The following TICRR variants were observed in gnomAD, a reference collection of about 807,000 sequenced individuals.
TICRR encodes treslin.
Under a neutral mutation model 178.1 loss-of-function variants are expected in TICRR, and 132 were observed. The observed-to-expected ratio is 0.74, with a 90% CI of 0.64 to 0.86. TICRR has a LOEUF of 0.86. Ranked by LOEUF, TICRR falls within the 40% of genes least tolerant of loss-of-function variation. The pLI is 0.00. For missense variants in TICRR, 2,587 were observed against 2,334.3 expected (o/e 1.11, Z -2.23); for synonymous variants, 991 against 900.7 (o/e 1.10, Z -1.79).
At chr15:89,611,858 T>C (rs1355791970) in intron 15 of TICRR, among the ~76,000 whole-genome samples, 5 of 152,310 alleles carry the variant, frequency 3.3e-5, no homozygotes, top group East Asian at 1.9e-4. Flanking sequence ...TTTGTTCATA[T>C]ATTATTTTCC....
chr15:89,599,329 A>G lies in TICRR; in HGVS notation c.1906A>G (p.Lys636Glu), dbSNP rs771832628. 2 of 1,597,898 alleles carry G rather than the reference A, an allele frequency of 1.3e-6. No homozygotes were observed. The highest frequency in any genetic ancestry group is 1.8e-5 in the Admixed American group (1 of 55,756). The change falls in exon 8 of 22, where the codon AAA becomes GAA. Residue 636 changes from lysine (K) to glutamate (E), a missense_variant. By Grantham distance (56) the Lys-to-Glu change is moderately conservative. Coordinates refer to ENST00000268138, the MANE Select transcript of TICRR (RefSeq NM_152259.4). ...TLRSSKPKDF[K>E]TEEELLSYIR... The stretch of plus-strand genomic sequence containing the variant: ...TTATTTTATTTTTTTCTCAGATTTT[A>G]AAACTGAGGAAGAGCTGCTATCATA...
intron 19 of TICRR, among the ~76,000 whole-genome samples, chr15:89,623,363 G>C (rs749953249): frequency 4.7e-4 from 72 of 152,220 alleles, no homozygotes; most frequent in Admixed American, 3.1e-3. Flanking sequence ...AAAAAGCATG[G>C]TTTAGCAATA....
chr15:89,626,180 C>A, intron 21 of TICRR, 119 bp downstream of exon 21: 1 of 1,154,482 alleles, frequency 8.7e-7, no homozygotes, highest in Non-Finnish European at 1.2e-6. Flanking sequence ...GGATAGGTGA[C>A]TTCGCGCCTA....
chr15:89,619,296 G>C (rs140496989), intron 17 of TICRR, among the ~76,000 whole-genome samples: 2 of 130,262 alleles, frequency 1.5e-5, no homozygotes, highest in African/African-American at 3.0e-5. Flanking sequence ...CATGCTCTCC[G>C]CTCACTGCAA....
rs145409221 is a variant in TICRR, at chr15:89,624,307, C to A, written c.3997C>A (p.Pro1333Thr). 2.5e-6 allele frequency: 4 copies of A among 1,614,214 alleles called. No homozygotes were observed. The highest frequency in any genetic ancestry group is 1.3e-5 in the African/African-American group (1 of 75,058). The change falls in exon 20 of 22, where the codon CCT (proline) becomes ACT (threonine). Residue 1333 changes from proline (P) to threonine (T), a missense_variant. Coordinates refer to ENST00000268138, the MANE Select transcript of TICRR (RefSeq NM_152259.4). Reference protein sequence around the residue: ...SPFRKSKIECPSPGELDQKEP... With the variant: ...SPFRKSKIECTSPGELDQKEP... ...ATTTAGGAAATCTAAAATAGAGTGTCCTTCCCCAGGAGAACTGGATCAGAA... is the reference window on the plus strand; with the variant it reads ...ATTTAGGAAATCTAAAATAGAGTGTACTTCCCCAGGAGAACTGGATCAGAA...
intron 19 of TICRR, among the ~76,000 whole-genome samples, chr15:89,622,652 C>G (rs911924106): frequency 1.1e-4 from 16 of 152,324 alleles, no homozygotes; most frequent in African/African-American, 3.4e-4. Context: ...TCTCCTCCCC[C>G]AGGCAGGCAG....
rs1472426742 is a variant in TICRR, at chr15:89,624,432, T to G, written c.4122T>G (p.Pro1374=). ...LSQRATLDTV[P]PPPPSKVGKR... The stretch of plus-strand genomic sequence containing the variant: ...AGAGAGCTACATTGGACACCGTCCC[T>G]CCTCCACCCCCTTCTAAAGTTGGGA... The change falls in exon 20 of 22, where the codon CCT becomes CCG. Residue 1374 remains proline (P), a synonymous_variant. Coordinates refer to ENST00000268138, the MANE Select transcript of TICRR (RefSeq NM_152259.4). 4 of 1,614,024 alleles carry G rather than the reference T, an allele frequency of 2.5e-6. No homozygotes were observed. The highest frequency in any genetic ancestry group is 3.4e-6 in the Non-Finnish European group (4 of 1,180,028).
At chr15:89,604,768 CAAAAA>C (rs35046074) in intron 13 of TICRR, among the ~76,000 whole-genome samples, 9 of 106,606 alleles carry the variant, frequency 8.4e-5, no homozygotes, top group South Asian at 3.1e-4. Context: ...GAGACTCTGT[CAAAAA>C]AAAAAAAAAA....
At chr15:89,612,634 A>G (rs777771997) in intron 15 of TICRR, among the ~76,000 whole-genome samples, 109 of 152,326 alleles carry the variant, frequency 7.2e-4, no homozygotes, top group African/African-American at 2.4e-3. Context: ...CAGGTGTTCA[A>G]TCAAGTTGCC....
At chr15:89,591,930 ACTTTGTATGTC>A (rs749941427) in intron 4 of TICRR, 106 bp from the exon 5 acceptor site, 6 of 816,162 alleles carry the variant, frequency 7.4e-6, no homozygotes, top group Non-Finnish European at 9.1e-6. Context: ...TTAACTGTGC[ACTTTGTATGTC>A]CTTTGGAGGG....
chr15:89,606,853 T>A, intron 14 of TICRR, 28 bp downstream of exon 14: 4 of 1,584,634 alleles, frequency 2.5e-6, no homozygotes, highest in Non-Finnish European at 3.5e-6. Context: ...TGTATGTATT[T>A]ATTCACTAGC....
rs1567053899 is a variant in TICRR at position 89,625,351 on chromosome 15, ATAAT to A, written c.5045_5048del (p.Ile1682LysfsTer88). 2.5e-6 allele frequency: 4 copies of A among 1,613,966 alleles called. No individual in the cohort carries two copies. Among genetic ancestry groups the A allele is most frequent in the East Asian group, 2.2e-5 (1 of 44,828 alleles). On this transcript the variant is annotated frameshift_variant, in exon 20 of 22. Transcript: ENST00000268138. LOFTEE classifies it high-confidence loss of function. Reference sequence around the variant, plus strand: ...GCACAGTGGGAAGACAACTCCAGACATAATTAAAGACTGGCCCAGGAGGAAGAGG... The same window carrying A: ...GCACAGTGGGAAGACAACTCCAGACATAAAGACTGGCCCAGGAGGAAGAGG...
chr15:89,589,460 C>T (rs1043533632), intron 4 of TICRR, among the ~76,000 whole-genome samples: 3 of 152,068 alleles, frequency 2.0e-5, no homozygotes, highest in Non-Finnish European at 4.4e-5. Flanking sequence ...TTGTTTTTAG[C>T]ATGGGGCTCC....
chr15:89,588,849 A>T (rs1962864278), intron 4 of TICRR, among the ~76,000 whole-genome samples: 1 of 152,154 alleles, frequency 6.6e-6, no homozygotes, highest in Admixed American at 6.5e-5. Context: ...GGCTTGTTAG[A>T]TGACTATGAG....
At position 89,575,488 on chromosome 15, in the gene TICRR, C is replaced by G. The variant is rs867893358; in HGVS notation, c.-99C>G. On this transcript the variant is annotated 5_prime_UTR_variant, in exon 1 of 22. Coordinates refer to ENST00000268138, the MANE Select transcript of TICRR (RefSeq NM_152259.4). ...CGCGGGAGCCTTTCGACCAGGGTCC[C>G]AAAGGAAAGCAGTGAGTGGTGCTGT... is the stretch of plus-strand genomic sequence containing the variant. The G allele has an allele frequency of 4.1e-6, 5 of 1,224,566 alleles. No individual in the cohort carries two copies. The highest frequency in any genetic ancestry group is 2.7e-4 in the Middle Eastern group (1 of 3,760). 75.9% of individuals were successfully genotyped at this position (1,224,566 alleles called of 1,614,324 possible). A position where few individuals can be genotyped will look rare whatever the true frequency, so the allele number is the denominator to read the frequency against.
rs539439515 is a variant in TICRR, at chr15:89,591,702, C to T, written c.1412-345C>T. 4.9e-4 allele frequency: 77 copies of T among 156,004 alleles called. No homozygotes were observed. The South Asian group carries it at 0.015, about 30-fold the overall frequency. 9.7% of individuals were successfully genotyped at this position (156,004 alleles called of 1,614,324 possible). ...GAGCCAAGATCGTGCTGTTGCACTC[C>T]AGCCTGGGCAAGAGCGAAACTCTGT... On this transcript the variant is annotated intron_variant, in intron 4 of 21. Transcript: ENST00000268138.
chr15:89,611,921 T>C lies in TICRR; in HGVS notation c.2869+2972T>C, dbSNP rs541527398. Among the ~76,000 whole-genome samples the C allele has an allele frequency of 1.6e-4, 25 of 152,344 alleles. No homozygotes were observed. In the South Asian group the frequency reaches 4.1e-3, roughly 25 times the overall value. On this transcript the variant is annotated intron_variant, in intron 15 of 21. Transcript: ENST00000268138. ...TTTAAGTGAGCTCATTGTGCATATT[T>C]AGAGAAGTTGATTTAACATCTTTGA...
chr15:89,599,366 AT>A lies in TICRR; in HGVS notation c.1945del (p.Tyr649ThrfsTer19), dbSNP rs1330961039. ...EEELLSYIRE[N>X]YQKTVATGEI... ...GAGCTGCTATCATATATACGTGAAAATTACCAAAAGACTGTGGCCACAGGAG... is the reference window on the plus strand; with the variant it reads ...GAGCTGCTATCATATATACGTGAAAATACCAAAAGACTGTGGCCACAGGAG... On this transcript the variant is annotated frameshift_variant, in exon 8 of 22. Transcript: ENST00000268138. LOFTEE classifies it high-confidence loss of function. 1.2e-6 allele frequency: 2 copies of A among 1,613,260 alleles called. No homozygotes were observed. Among genetic ancestry groups the A allele is most frequent in the Non-Finnish European group, 1.7e-6 (2 of 1,179,690 alleles).
chr15:89,606,072 C>T (rs1317071293), intron 13 of TICRR, among the ~76,000 whole-genome samples: 2 of 152,100 alleles, frequency 1.3e-5, no homozygotes, highest in African/African-American at 4.8e-5. Flanking sequence ...GTTCCTTCTC[C>T]ATCCATTCAT....
Sources: allele counts gnomAD v4.1 joint callset (sites outside exome capture counted in the v4.1 genomes callset), GRCh38; gene constraint gnomAD v4.1.1; transcripts MANE v1.5; gene names NCBI Gene and HGNC (gene_info 2026-07-23, HGNC 2026-07-21).